NRXN3: variants seen among roughly 807,000 people sequenced by gnomAD.
The protein encoded by NRXN3 is neurexin 3.
NRXN3 carries 32 observed loss-of-function variants against 137.6 expected under a neutral mutation model. That is an observed-to-expected ratio of 0.23 (90% CI 0.18 to 0.31). NRXN3 has a LOEUF of 0.31. Among genes scored for constraint, NRXN3 ranks in the 10% least tolerant of loss-of-function variants. NRXN3 has a pLI of 1.00. For synonymous variants in NRXN3, 798 were observed against 784.5 expected (o/e 1.02, Z -0.29); for missense variants, 1,574 against 2,062.5 (o/e 0.76, Z 4.59).
At chr14:79,515,422 G>C (rs1438259744) in intron 16 of NRXN3, among the ~76,000 whole-genome samples, 3 of 150,412 alleles carry the variant, frequency 2.0e-5, no homozygotes, top group Admixed American at 1.3e-4. Flanking sequence ...GAGCAAGAAA[G>C]GTCACTGCAG....
At chr14:78,313,503 T>G (rs1026528758) in intron 4 of NRXN3, among the ~76,000 whole-genome samples, 1 of 152,140 alleles carries the variant, frequency 6.6e-6, no homozygotes, top group Non-Finnish European at 1.5e-5. Flanking sequence ...TTAACAAAAC[T>G]TTCTCGTATC....
At chr14:78,930,092 C>T (rs1482697657) in intron 10 of NRXN3, among the ~76,000 whole-genome samples, 1 of 152,114 alleles carries the variant, frequency 6.6e-6, no homozygotes, top group African/African-American at 2.4e-5. Flanking sequence ...ATTCTGGCAG[C>T]TTTTTTTATA....
At chr14:79,838,448 G>A (rs934015501) in intron 20 of NRXN3, among the ~76,000 whole-genome samples, 2 of 152,146 alleles carry the variant, frequency 1.3e-5, no homozygotes, top group Non-Finnish European at 2.9e-5. Flanking sequence ...ATAAAATTTA[G>A]TGTTTCTCAA....
At chr14:78,559,931 G>C (rs1259916182) in intron 4 of NRXN3, among the ~76,000 whole-genome samples, 1 of 152,222 alleles carries the variant, frequency 6.6e-6, no homozygotes, top group Non-Finnish European at 1.5e-5. Flanking sequence ...GTACTTGTCT[G>C]CAGCGAGCAC....
intron 4 of NRXN3, among the ~76,000 whole-genome samples, chr14:78,355,700 A>G (rs1007965802): frequency 6.6e-5 from 10 of 152,342 alleles, no homozygotes; most frequent in South Asian, 2.1e-4. Context: ...GATTACAGGC[A>G]TTAGCCACCA....
chr14:79,722,022 TCTG>T lies in NRXN3; in HGVS notation c.4014+24089_4014+24091del, dbSNP rs370337272. On this transcript the variant is annotated intron_variant, in intron 19 of 20. Coordinates refer to ENST00000335750, the MANE Select transcript of NRXN3 (RefSeq NM_001330195.2). Reference sequence around the variant, plus strand: ...AGTCAGACATTACAGATTTTATATCTCTGCTGTTTTATTGTTCTATAACAGTCA... The same window carrying T: ...AGTCAGACATTACAGATTTTATATCTCTGTTTTATTGTTCTATAACAGTCA... 4.6e-5 allele frequency among the ~76,000 whole-genome samples: 7 copies of T among 152,240 alleles called. No homozygotes were observed. The South Asian group carries it at 1.2e-3, about 27-fold the overall frequency.
At chr14:78,182,736 G>T (rs1292969421) in intron 1 of NRXN3, among the ~76,000 whole-genome samples, 1 of 152,184 alleles carries the variant, frequency 6.6e-6, no homozygotes, top group Admixed American at 6.5e-5. Flanking sequence ...CTCCCAAAGT[G>T]CTGGGATTAC....
chr14:78,888,139 CAA>C (rs1217305660), intron 10 of NRXN3, among the ~76,000 whole-genome samples: 43 of 152,148 alleles, frequency 2.8e-4, no homozygotes, highest in Admixed American at 2.6e-3. Flanking sequence ...TTCCAGCTGC[CAA>C]GTTATAGTTC....
At chr14:78,776,369 T>C (rs569591629) in intron 8 of NRXN3, among the ~76,000 whole-genome samples, 19 of 151,158 alleles carry the variant, frequency 1.3e-4, no homozygotes, top group Admixed American at 2.6e-4. Context: ...TAGATCCTTA[T>C]ATAACATAGA....
At chr14:79,084,484 T>TA (rs779522493) in intron 15 of NRXN3, among the ~76,000 whole-genome samples, 26 of 152,092 alleles carry the variant, frequency 1.7e-4, no homozygotes, top group Non-Finnish European at 3.2e-4. Flanking sequence ...TAATAAATAA[T>TA]AAAAAAGTAC....
At chr14:79,032,705 A>T (rs2099610029) in intron 15 of NRXN3, among the ~76,000 whole-genome samples, 1 of 152,178 alleles carries the variant, frequency 6.6e-6, no homozygotes, top group Non-Finnish European at 1.5e-5. Context: ...CTAGCAATAC[A>T]TTGGTTAAAA....
At chr14:78,274,876 T>C (rs1262314839) in intron 2 of NRXN3, among the ~76,000 whole-genome samples, 1 of 152,208 alleles carries the variant, frequency 6.6e-6, no homozygotes, top group Non-Finnish European at 1.5e-5. Flanking sequence ...GGATTACTTT[T>C]TCCCCCTGAA....
intron 8 of NRXN3, among the ~76,000 whole-genome samples, chr14:78,770,589 T>C (rs2152996568): frequency 6.6e-6 from 1 of 152,332 alleles, no homozygotes; most frequent in East Asian, 1.9e-4. Flanking sequence ...GTAAAATGTG[T>C]TTTGGGAAGC....
chr14:78,377,388 A>T (rs1446131686), intron 4 of NRXN3, among the ~76,000 whole-genome samples: 1 of 152,234 alleles, frequency 6.6e-6, no homozygotes, highest in Non-Finnish European at 1.5e-5. Flanking sequence ...CAAAATACAG[A>T]GTTGCAAAAT....
chr14:78,951,687 C>T (rs548464096), intron 10 of NRXN3, among the ~76,000 whole-genome samples: 10 of 152,230 alleles, frequency 6.6e-5, no homozygotes, highest in East Asian at 1.9e-4. Flanking sequence ...AGGCAGGACC[C>T]GTTCTGTCTT....
intron 15 of NRXN3, among the ~76,000 whole-genome samples, chr14:79,408,589 CT>C (rs995953913): frequency 3.9e-5 from 6 of 152,016 alleles, no homozygotes; most frequent in Non-Finnish European, 5.9e-5. Context: ...CACCCAATGA[CT>C]TTTTTTGAAG....
At chr14:78,289,624 G>T (rs566493899) in intron 3 of NRXN3, among the ~76,000 whole-genome samples, 2 of 151,136 alleles carry the variant, frequency 1.3e-5, no homozygotes, top group Non-Finnish European at 2.9e-5. Flanking sequence ...CTTTAAAAAC[G>T]CTCGATGGGG....
At chr14:78,856,435 A>C (rs28542862) in intron 10 of NRXN3, among the ~76,000 whole-genome samples, 3,018 of 152,336 alleles carry the variant, frequency 0.02, 107 homozygotes, top group African/African-American at 0.069. Flanking sequence ...TAATGTAAAT[A>C]CTTCTGGATT....
At chr14:78,885,018 A>G (rs2099139424) in intron 10 of NRXN3, among the ~76,000 whole-genome samples, 1 of 152,006 alleles carries the variant, frequency 6.6e-6, no homozygotes, top group Admixed American at 6.6e-5. Context: ...GAACTTAATC[A>G]GATTATTTGA....
Sources: allele counts gnomAD v4.1 joint callset (sites outside exome capture counted in the v4.1 genomes callset), GRCh38; gene constraint gnomAD v4.1.1; transcripts MANE v1.5; gene names NCBI Gene and HGNC (gene_info 2026-07-23, HGNC 2026-07-21).